The following ARHGEF3 variants were observed in gnomAD, a reference collection of about 807,000 sequenced individuals.
The protein encoded by ARHGEF3 is Rho guanine nucleotide exchange factor 3, also known as 59.8 kDA protein.
In ARHGEF3, 28 loss-of-function variants were observed where a neutral mutation model predicts 63.2. The ratio of observed to expected loss-of-function variants is 0.44; its 90% CI spans 0.33 to 0.61. The LOEUF is 0.61. ARHGEF3 is among the 20% of genes least tolerant of loss of function. The pLI is 0.03. For missense variants in ARHGEF3, 533 were observed against 659.3 expected, an observed-to-expected ratio of 0.81 and a Z score of 2.10; for synonymous variants, 266 against 254.2, an observed-to-expected ratio of 1.05 and a Z score of -0.44.
chr3:56,796,267 T>C (rs975090851), intron 1 of ARHGEF3, among the ~76,000 whole-genome samples: 4 of 152,210 alleles, frequency 2.6e-5, no homozygotes, highest in Admixed American at 6.5e-5. Flanking sequence ...CGGTGGCATC[T>C]GTCCAGGATT....
At chr3:56,805,801 T>G (rs944936551), upstream of ARHGEF3, among the ~76,000 whole-genome samples, 3 of 152,164 alleles carry the variant, frequency 2.0e-5, no homozygotes, top group African/African-American at 7.2e-5. Context: ...CTGTAACAAT[T>G]TAAATAGTGC....
At chr3:56,956,614 T>C (rs576177419) in intron 3 of ARHGEF3, among the ~76,000 whole-genome samples, 2 of 152,212 alleles carry the variant, frequency 1.3e-5, no homozygotes, top group African/African-American at 2.4e-5. Flanking sequence ...CCAGTTAGCC[T>C]GGTTCCAGGG....
At chr3:56,985,636 C>A (rs1701503250) in intron 2 of ARHGEF3, among the ~76,000 whole-genome samples, 1 of 152,198 alleles carries the variant, frequency 6.6e-6, no homozygotes, top group Admixed American at 6.5e-5. Flanking sequence ...GATAGGGAAA[C>A]TGAGGTTCTG....
At chr3:57,016,231 ACTG>A (rs1019181328) in intron 2 of ARHGEF3, among the ~76,000 whole-genome samples, 1 of 152,056 alleles carries the variant, frequency 6.6e-6, no homozygotes, top group Admixed American at 6.6e-5. Context: ...GTGGACTGAA[ACTG>A]CTTTCTAAAA....
intron 2 of ARHGEF3, among the ~76,000 whole-genome samples, chr3:56,765,865 T>A (rs900965248): frequency 9.2e-5 from 14 of 152,126 alleles, no homozygotes; most frequent in Non-Finnish European, 1.8e-4. Context: ...AAATATATAA[T>A]GAAAAAATCA....
intron 3 of ARHGEF3, among the ~76,000 whole-genome samples, chr3:56,930,875 AT>A (rs1455057832): frequency 3.9e-5 from 6 of 152,232 alleles, no homozygotes; most frequent in African/African-American, 7.2e-5. Context: ...TGGGTAAGTC[AT>A]TTCCTGAGCA....
At chr3:56,903,498 G>C (rs1245671913) in intron 3 of ARHGEF3, among the ~76,000 whole-genome samples, 1 of 152,174 alleles carries the variant, frequency 6.6e-6, no homozygotes, top group African/African-American at 2.4e-5. Context: ...TCCACTAGTG[G>C]GAAAATGAAA....
intron 9 of ARHGEF3, chr3:56,731,942 G>C: frequency 1.8e-6 from 1 of 567,942 alleles, no homozygotes; most frequent in Non-Finnish European, 3.1e-6. Context: ...AATGGAAAAA[G>C]ACAGAGAAAG....
chr3:57,071,592 G>A (rs1449059020), intron 1 of ARHGEF3, among the ~76,000 whole-genome samples: 1 of 151,694 alleles, frequency 6.6e-6, no homozygotes, highest in African/African-American at 2.4e-5. Flanking sequence ...ACCGGAAGGT[G>A]GAGGTTGTAG....
chr3:56,899,689 C>T (rs1352831053), intron 3 of ARHGEF3, among the ~76,000 whole-genome samples: 1 of 152,134 alleles, frequency 6.6e-6, no homozygotes, highest in Non-Finnish European at 1.5e-5. Context: ...ACTTAGGAAA[C>T]ACTTTGTGGA....
chr3:56,895,700 T>G (rs998325845), intron 3 of ARHGEF3, among the ~76,000 whole-genome samples: 1 of 152,124 alleles, frequency 6.6e-6, no homozygotes. Context: ...CCTGACCTTG[T>G]GATCCACCTG....
chr3:56,966,999 G>A (rs1434211630), intron 2 of ARHGEF3, among the ~76,000 whole-genome samples: 2 of 150,532 alleles, frequency 1.3e-5, no homozygotes, highest in African/African-American at 4.8e-5. Context: ...GACTAGCTAG[G>A]ATTACAGGCA....
intron 4 of ARHGEF3, among the ~76,000 whole-genome samples, chr3:56,825,358 A>G (rs1175681618): frequency 2.6e-5 from 4 of 152,250 alleles, no homozygotes; most frequent in Non-Finnish European, 1.5e-5. Context: ...CGTTCACAAA[A>G]GCACCAATTT....
At chr3:56,943,909 G>A (rs1208726144) in intron 3 of ARHGEF3, among the ~76,000 whole-genome samples, 6 of 137,682 alleles carry the variant, frequency 4.4e-5, no homozygotes, top group Non-Finnish European at 7.9e-5. Context: ...GAGAGACTCC[G>A]ACTCAAAAAA....
intron 4 of ARHGEF3, among the ~76,000 whole-genome samples, chr3:56,874,994 T>C (rs1163700795): frequency 6.6e-6 from 1 of 152,204 alleles, no homozygotes; most frequent in Non-Finnish European, 1.5e-5. Context: ...TAGCCTGCTA[T>C]AGTATGCTAT....
chr3:56,945,614 T>A (rs973894465), intron 3 of ARHGEF3, among the ~76,000 whole-genome samples: 4 of 152,196 alleles, frequency 2.6e-5, no homozygotes, highest in African/African-American at 9.6e-5. Context: ...CTTGAGTAGG[T>A]AAACAAAGCA....
At chr3:56,893,568 G>A (rs557355764) in intron 3 of ARHGEF3, among the ~76,000 whole-genome samples, 2 of 152,276 alleles carry the variant, frequency 1.3e-5, no homozygotes, top group South Asian at 4.1e-4. Context: ...CACTTTGGGA[G>A]TCTGAGACGG....
intron 7 of ARHGEF3, among the ~76,000 whole-genome samples, chr3:56,743,887 T>C (rs2034205190): frequency 6.6e-6 from 1 of 152,110 alleles, no homozygotes; most frequent in Non-Finnish European, 1.5e-5. Context: ...CACCAGTCTC[T>C]TCCTCCTCAG....
Position 56,971,057 on chromosome 3 carries a change from G to T in ARHGEF3, c.63-12168C>A, listed in dbSNP as rs371494621. On this transcript the variant is annotated intron_variant, in intron 2 of 12. Coordinates refer to the ARHGEF3 transcript ENST00000338458. ...AGGGAACCAGCTCTGGAAAGCCAGG[G>T]ACTATCTGGTTTAGACTCGCTGCTG... 2.6e-4 allele frequency among the ~76,000 whole-genome samples: 39 copies of T among 152,138 alleles called. 4 individuals are homozygous for T. The highest frequency in any genetic ancestry group is 2.2e-3 in the Admixed American group (34 of 15,270).
Sources: gnomAD v4.1 joint callset for allele counts (sites outside exome capture counted in the v4.1 genomes callset) on GRCh38, gnomAD v4.1.1 for gene constraint, MANE v1.5 for transcripts, NCBI Gene and HGNC (gene_info 2026-07-23, HGNC 2026-07-21) for gene names.